SEPTIN1: variants seen among roughly 807,000 people sequenced by gnomAD.
The protein encoded by SEPTIN1 is septin 1, also known as septin-1.
In SEPTIN1, 52 loss-of-function variants were observed where a neutral mutation model predicts 50.7. The ratio of observed to expected loss-of-function variants is 1.03; its 90% CI spans 0.82 to 1.29. SEPTIN1 has a LOEUF of 1.29. SEPTIN1 is among the 50% of genes most tolerant of loss of function. The pLI, the probability that SEPTIN1 is intolerant of heterozygous loss-of-function variation, is 0.00. For synonymous variants in SEPTIN1, 204 were observed against 189.1 expected (o/e 1.08, Z -0.65); for missense variants, 455 against 490.7 (o/e 0.93, Z 0.69).
At position 30,381,241 on chromosome 16, in the gene SEPTIN1, G is replaced by C; in HGVS notation, c.459C>G (p.Leu153=). 6.2e-7 allele frequency: 1 copy of C among 1,614,044 alleles called. No individual in the cohort carries two copies. The highest frequency in any genetic ancestry group is 8.5e-7 in the Non-Finnish European group (1 of 1,179,958). The part of the protein sequence containing the change: ...LYFISPFGRG[L]RPLDVAFLRA... ...GGAGGAAGGCCACATCTAGGGGCCG[G>C]AGCCTGCACCCAGGGATTGGTCATT... Residue 153 remains leucine, a synonymous_variant, in exon 6 of 11, where the codon CTC becomes CTG. Transcript: ENST00000321367. The surrounding 1 kb of genome is among the most constrained non-coding windows in gnomAD (Gnocchi z 4.3).
In SEPTIN1 at chr16:30,378,713, G is replaced by A. The variant is rs2049789603; in HGVS notation, c.942-13C>T. 6.2e-7 allele frequency: 1 copy of A among 1,604,258 alleles called. No individual in the cohort carries two copies. Among genetic ancestry groups the A allele is most frequent in the African/African-American group, 1.3e-5 (1 of 74,834 alleles). On this transcript the variant is annotated splice_polypyrimidine_tract_variant and intron_variant, in intron 9 of 10. Coordinates refer to ENST00000321367, the MANE Select transcript of SEPTIN1 (RefSeq NM_001365977.2). Reference sequence around the variant, plus strand: ...GCGGGAAAGCTTACTGCGGGACAGTGGGAAGGGGACAGGAATCAGGAGCGG... The same window carrying A: ...GCGGGAAAGCTTACTGCGGGACAGTAGGAAGGGGACAGGAATCAGGAGCGG...
rs1323407460 is a variant in SEPTIN1 at position 30,379,101 on chromosome 16, C to T, written c.858G>A (p.Thr286=). 1 of 1,614,070 alleles carries T rather than the reference C, an allele frequency of 6.2e-7. No individual in the cohort carries two copies. The highest frequency in any genetic ancestry group is 8.5e-7 in the Non-Finnish European group (1 of 1,179,990). The change falls in exon 9 of 11, where the codon ACG becomes ACA. Residue 286 remains threonine, a synonymous_variant. Transcript: ENST00000321367. The stretch of plus-strand genomic sequence containing the variant: ...GGTAGCCCTCGTAGAGCAGATCGTG[C>T]GTCACCTCTTTCAGGTCCTGCAGGT... ...QTHLQDLKEV[T]HDLLYEGYRA...
At position 30,382,465 on chromosome 16, in the gene SEPTIN1, G is replaced by C. The variant is rs2049864138; in HGVS notation, c.18+60C>G. 6.4e-7 allele frequency: 1 copy of C among 1,569,044 alleles called. No individual in the cohort carries two copies. Among genetic ancestry groups the C allele is most frequent in the African/African-American group, 1.4e-5 (1 of 74,042 alleles). On this transcript the variant is annotated intron_variant, in intron 1 of 10. Transcript: ENST00000321367. The surrounding 1 kb of genome is among the most constrained non-coding windows in gnomAD (Gnocchi z 4.8). ...GCTAGGAAGAGTCAGTGGGGTCTGG[G>C]GACCCCAGGCATGGGGGCTGGGGGC... is the stretch of plus-strand genomic sequence containing the variant.
chr16:30,378,806 C>T, intron 9 of SEPTIN1, 106 bp from the exon 10 acceptor site: 1 of 1,023,630 alleles, frequency 9.8e-7, no homozygotes, highest in Non-Finnish European at 1.3e-6. Context: ...GGAGGCGGAG[C>T]CAGTTCCTTG....
rs1418287816 is a variant in SEPTIN1 at position 30,378,899 on chromosome 16, GGA to G, written c.941+117_941+118del. ...GAGAGGGAGGGAGGGAGGGAGGGAG[GGA>G]GAGAGAAGTCTGAGTGGTGAAGGCG... On this transcript the variant is annotated intron_variant, in intron 9 of 10. Transcript: ENST00000321367. 1.7e-5 allele frequency: 16 copies of G among 957,652 alleles called. No individual in the cohort carries two copies. The East Asian group carries it at 3.7e-4, about 22-fold the overall frequency. The allele number at this position is 957,652 out of a possible 1,614,324, so 59.3% of individuals were successfully genotyped here.
intron 9 of SEPTIN1, 116 bp downstream of exon 9, chr16:30,378,902 G>A: frequency 2.0e-6 from 2 of 1,013,308 alleles, no homozygotes; most frequent in Non-Finnish European, 2.9e-6. Flanking sequence ...GAGGGAGGGA[G>A]AGAGAAGTCT....
chr16:30,381,827 C>G lies in SEPTIN1; in HGVS notation c.253G>C (p.Gly85Arg). The change falls in exon 4 of 11, where the codon GGT (glycine) becomes CGT (arginine). Residue 85 changes from glycine (G) to arginine (R), a missense_variant. Coordinates refer to ENST00000321367, the MANE Select transcript of SEPTIN1 (RefSeq NM_001365977.2). The surrounding 1 kb of genome is among the most constrained non-coding windows in gnomAD (Gnocchi z 4.3). ...ERRGVEIEEGGVKVKLTLVDT... is the reference protein window; with the variant it reads ...ERRGVEIEEGRVKVKLTLVDT... ...ACAAGGGTCAGCTTCACTTTCACAC[C>G]CCCTTCCTCAATCTCTACGCCCCGG... 1 of 1,614,182 alleles carries G rather than the reference C, an allele frequency of 6.2e-7. No homozygotes were observed.
Position 30,378,634 on chromosome 16 carries a change from C to G in SEPTIN1, c.1008G>C (p.Lys336Asn). Residue 336 changes from lysine to asparagine, a missense_variant, in exon 10 of 11, where the codon AAG (lysine) becomes AAC (asparagine). Transcript: ENST00000321367. ...LPMLPLADTE[K>N]LIREKDEELR... ...CCTCTTCGTCTTTCTCGCGGATCAG[C>G]TTCTCGGTGTCCGCCAGAGGCAGCA... 6.2e-7 allele frequency: 1 copy of G among 1,611,076 alleles called. No homozygotes were observed.
intron 6 of SEPTIN1, 186 bp downstream of exon 6, chr16:30,380,941 G>T (rs1045076558): frequency 1.5e-6 from 1 of 653,264 alleles, no homozygotes; most frequent in Non-Finnish European, 2.8e-6. Flanking sequence ...TGCATATGTA[G>T]CCTATTTTGA....
rs777598329 is a variant in SEPTIN1, at chr16:30,379,539, A to G, written c.676-5T>C. 8.2e-6 allele frequency: 13 copies of G among 1,591,702 alleles called. No homozygotes were observed. The highest frequency in any genetic ancestry group is 1.0e-5 in the Non-Finnish European group (12 of 1,166,142). On this transcript the variant is annotated splice_polypyrimidine_tract_variant and splice_region_variant and intron_variant, in intron 7 of 10. Transcript: ENST00000321367. ...GACTGCAAAAGGGATGCTTTCCTGG[A>G]GGGCAGGGGGCAGGGGTTCACCATT...
rs2049852113 is a variant in SEPTIN1, at chr16:30,381,763, T to G, written c.317A>C (p.Asp106Ala). The stretch of plus-strand genomic sequence containing the variant: ...TGTCCCCTTTCCTCTTCCTCACCAG[T>G]CAGAGCAGTCCACTGAGTCCCCAAA... ...PGFGDSVDCS[D>A]CWLPVVKFIE... The change falls in exon 4 of 11, where the codon GAC becomes GCC. Residue 106 changes from aspartate to alanine, a missense_variant. Coordinates refer to ENST00000321367, the MANE Select transcript of SEPTIN1 (RefSeq NM_001365977.2). This position sits in a 1 kb window ranked among gnomAD's most constrained non-coding sequence, Gnocchi z 4.3. 4 of 1,613,942 alleles carry G rather than the reference T, an allele frequency of 2.5e-6. 1 individual carries two copies. The highest frequency in any genetic ancestry group is 3.3e-4 in the Middle Eastern group (2 of 6,060).
At chr16:30,379,311 A>AC in intron 8 of SEPTIN1, 124 bp downstream of exon 8, 2 of 1,441,630 alleles carry the variant, frequency 1.4e-6, no homozygotes, top group Non-Finnish European at 9.6e-7. Context: ...CAGCCCAGCG[A>AC]CCCCCCTTTC....
At chr16:30,380,189 AAAAC>A (rs1451575591) in intron 6 of SEPTIN1, 156 bp from the exon 7 acceptor site, 2 of 499,674 alleles carry the variant, frequency 4.0e-6, no homozygotes, top group Non-Finnish European at 6.9e-6. Context: ...CAGGAAGACA[AAAAC>A]AAAATCTCAG....
At chr16:30,379,242 G>A (rs973752036) in intron 8 of SEPTIN1, 59 bp from the exon 9 acceptor site, 2 of 1,594,602 alleles carry the variant, frequency 1.3e-6, no homozygotes, top group South Asian at 1.1e-5. Context: ...CAACCCACCC[G>A]TAAGGGTCGG....
At position 30,378,245 on chromosome 16, in the gene SEPTIN1, G is replaced by A. The variant is rs374973761; in HGVS notation, c.*189C>T. The A allele has an allele frequency of 5.2e-5, 35 of 673,754 alleles. No homozygotes were observed. Among genetic ancestry groups the A allele is most frequent in the Non-Finnish European group, 7.5e-5 (29 of 386,066 alleles). 41.7% of individuals were successfully genotyped at this position (673,754 alleles called of 1,614,324 possible). On this transcript the variant is annotated 3_prime_UTR_variant, in exon 11 of 11. Coordinates refer to ENST00000321367, the MANE Select transcript of SEPTIN1 (RefSeq NM_001365977.2). ...GTGCAGGCCCCGGGCCGGGAAGTGG[G>A]CGGTGTCTGGGTGGGCGGGACCAGC...
rs751175211 is a variant in SEPTIN1 at position 30,381,262 on chromosome 16, T to G, written c.456-18A>C. The G allele has an allele frequency of 1.2e-6, 2 of 1,613,338 alleles. No individual in the cohort carries two copies. The highest frequency in any genetic ancestry group is 1.7e-6 in the Non-Finnish European group (2 of 1,179,502). Reference sequence around the variant, plus strand: ...GCCGGAGCCTGCACCCAGGGATTGGTCATTGCCCAGCCTCAGGGGGCAGAG... The same window carrying G: ...GCCGGAGCCTGCACCCAGGGATTGGGCATTGCCCAGCCTCAGGGGGCAGAG... On this transcript the variant is annotated intron_variant, in intron 5 of 10. Coordinates refer to ENST00000321367, the MANE Select transcript of SEPTIN1 (RefSeq NM_001365977.2). The surrounding 1 kb of genome is among the most constrained non-coding windows in gnomAD (Gnocchi z 4.3).
chr16:30,378,386 G>T lies in SEPTIN1; in HGVS notation c.*48C>A. Reference sequence around the variant, plus strand: ...AGTGTGGGGCGCGGGGATTGGACAAGAGGCCGACTGAAGGCGGAGCCGAGG... The same window carrying T: ...AGTGTGGGGCGCGGGGATTGGACAATAGGCCGACTGAAGGCGGAGCCGAGG... On this transcript the variant is annotated 3_prime_UTR_variant, in exon 11 of 11. Coordinates refer to ENST00000321367, the MANE Select transcript of SEPTIN1 (RefSeq NM_001365977.2). 6.7e-7 allele frequency: 1 copy of T among 1,498,264 alleles called. No individual in the cohort carries two copies. Among genetic ancestry groups the T allele is most frequent in the East Asian group, 2.4e-5 (1 of 42,038 alleles). 92.8% of individuals were successfully genotyped at this position (1,498,264 alleles called of 1,614,324 possible).
rs562661092 is a variant in SEPTIN1 at position 30,379,770 on chromosome 16, C to T, written c.675+162G>A. 130 of 597,574 alleles carry T rather than the reference C, an allele frequency of 2.2e-4. 4 individuals are homozygous for T. The South Asian group carries it at 2.5e-3, about 12-fold the overall frequency. The allele number at this position is 597,574 out of a possible 1,614,324, so 37.0% of individuals were successfully genotyped here. On this transcript the variant is annotated intron_variant, in intron 7 of 10. Transcript: ENST00000321367. ...TACAGGCGCCCACCATCACACCTGG[C>T]AAATTTGTGTATTTTTAGTAGAGGT... is the stretch of plus-strand genomic sequence containing the variant.
rs780250882 is a variant in SEPTIN1, at chr16:30,382,204, G to C, written c.110-25C>G. On this transcript the variant is annotated intron_variant, in intron 2 of 10. Coordinates refer to ENST00000321367, the MANE Select transcript of SEPTIN1 (RefSeq NM_001365977.2). This position sits in a 1 kb window ranked among gnomAD's most constrained non-coding sequence, Gnocchi z 4.8. Reference sequence around the variant, plus strand: ...CCTGTGGACAGAACAGGCCCAACTGGTCAGGGGAGGGGACAGCCAGGGCCT... The same window carrying C: ...CCTGTGGACAGAACAGGCCCAACTGCTCAGGGGAGGGGACAGCCAGGGCCT... The C allele has an allele frequency of 1.1e-5, 17 of 1,613,022 alleles. No homozygotes were observed. In the East Asian group the frequency reaches 3.6e-4, roughly 34 times the overall value.
Sources: gnomAD v4.1 joint callset for allele counts on GRCh38, gnomAD v4.1.1 for gene constraint, Gnocchi (gnomAD v3.1) non-coding constraint, MANE v1.5 for transcripts, NCBI Gene and HGNC (gene_info 2026-07-23, HGNC 2026-07-21) for gene names.